The following PRKG1 variants were observed in gnomAD, a reference collection of about 807,000 sequenced individuals.
The protein encoded by PRKG1 is cGMP-dependent protein kinase 1.
In PRKG1, 35 loss-of-function variants were observed where a neutral mutation model predicts 88.1. The observed-to-expected ratio is 0.40, with a 90% CI of 0.30 to 0.53. PRKG1 has a LOEUF of 0.53. Among genes scored for constraint, PRKG1 ranks in the 20% least tolerant of loss-of-function variants. The pLI, the probability that PRKG1 is intolerant of heterozygous loss-of-function variation, is 0.59. For missense variants in PRKG1, 540 were observed against 839.8 expected, an observed-to-expected ratio of 0.64 and a Z score of 4.41; for synonymous variants, 303 against 292.5, an observed-to-expected ratio of 1.04 and a Z score of -0.37.
At chr10:52,081,688 G>A in intron 7 of PRKG1, 1 of 456,614 alleles carries the variant, frequency 2.2e-6, no homozygotes, top group Non-Finnish European at 4.4e-6. Flanking sequence ...GAAGCTAGAA[G>A]ATGACGAGAG....
chr10:51,167,466 A>G (rs1023897540), intron 2 of PRKG1, among the ~76,000 whole-genome samples: 2 of 152,154 alleles, frequency 1.3e-5, no homozygotes, highest in Admixed American at 6.6e-5. Flanking sequence ...TTTCGAGAGC[A>G]TTAGAGGAGT....
At chr10:51,578,289 C>T (rs1025402866) in intron 3 of PRKG1, among the ~76,000 whole-genome samples, 1 of 152,070 alleles carries the variant, frequency 6.6e-6, no homozygotes, top group Non-Finnish European at 1.5e-5. Flanking sequence ...AAATTAATAA[C>T]CTGAATTTTT....
rs1010198790 is a variant in PRKG1 at position 51,553,303 on chromosome 10, G to A, written c.592+85467G>A. ...TTATATTAATTCTTTTGCCGTGACA[G>A]AAAGCAGTGCGATGAATACTTCTGG... On this transcript the variant is annotated intron_variant, in intron 3 of 17. Coordinates refer to ENST00000373980, the MANE Select transcript of PRKG1 (RefSeq NM_006258.4). 3.3e-5 allele frequency among the ~76,000 whole-genome samples: 5 copies of A among 151,770 alleles called. No homozygotes were observed. In the South Asian group the frequency reaches 1.0e-3, roughly 31 times the overall value.
intron 7 of PRKG1, among the ~76,000 whole-genome samples, chr10:52,096,487 C>T (rs929816825): frequency 4.6e-5 from 7 of 152,206 alleles, no homozygotes; most frequent in African/African-American, 1.7e-4. Flanking sequence ...TGTGCAACTT[C>T]CTCTGCTTTG....
At chr10:51,290,778 C>CT (rs999483451) in intron 2 of PRKG1, among the ~76,000 whole-genome samples, 44 of 152,098 alleles carry the variant, frequency 2.9e-4, no homozygotes, top group Non-Finnish European at 1.0e-4. Context: ...ACTTTCTGAT[C>CT]TTTTTGGAGT....
intron 2 of PRKG1, among the ~76,000 whole-genome samples, chr10:51,211,172 G>A (rs571239891): frequency 0.016 from 2,429 of 150,946 alleles, 34 homozygotes; most frequent in Middle Eastern, 0.042. Flanking sequence ...TACGAAAATC[G>A]ATAAACGTAA....
chr10:51,527,655 G>A (rs761162794), intron 3 of PRKG1, among the ~76,000 whole-genome samples: 13 of 152,146 alleles, frequency 8.5e-5, no homozygotes, highest in Admixed American at 1.3e-4. Context: ...GTTATAGAGC[G>A]ATTCAATTTT....
At chr10:50,994,813 G>GAAAAAA (rs35386826) in intron 1 of PRKG1, among the ~76,000 whole-genome samples, 1 of 143,624 alleles carries the variant, frequency 7.0e-6, no homozygotes, top group Non-Finnish European at 1.5e-5. Flanking sequence ...AACTATTCAG[G>GAAAAAA]AAAAAAAAAA....
intron 4 of PRKG1, among the ~76,000 whole-genome samples, chr10:51,838,506 A>G (rs1589338932): frequency 6.6e-6 from 1 of 152,340 alleles, no homozygotes; most frequent in East Asian, 1.9e-4. Context: ...GGACTCAATC[A>G]AATCTCCTGT....
At chr10:51,655,928 T>A (rs1840150098) in intron 3 of PRKG1, among the ~76,000 whole-genome samples, 1 of 152,162 alleles carries the variant, frequency 6.6e-6, no homozygotes, top group Admixed American at 6.6e-5. Flanking sequence ...CCCGTAATTC[T>A]GTTTAAATTT....
chr10:51,979,942 A>G (rs141368089), intron 5 of PRKG1, among the ~76,000 whole-genome samples: 3 of 151,992 alleles, frequency 2.0e-5, no homozygotes, highest in African/African-American at 7.2e-5. Flanking sequence ...TCCTGGATTC[A>G]TTGATCCTTT....
Position 51,837,903 on chromosome 10 carries a change from C to A in PRKG1, c.698+33213C>A, listed in dbSNP as rs535970655. Among the ~76,000 whole-genome samples the A allele has an allele frequency of 5.3e-5, 8 of 152,200 alleles. No homozygotes were observed. The South Asian group carries it at 1.5e-3, about 28-fold the overall frequency. The stretch of plus-strand genomic sequence containing the variant: ...ATTCACCCAACTTTTTGCTTTTCTG[C>A]AAACTTTTAAATATTGGGCTATCAT... On this transcript the variant is annotated intron_variant, in intron 4 of 17. Coordinates refer to ENST00000373980, the MANE Select transcript of PRKG1 (RefSeq NM_006258.4).
intron 8 of PRKG1, among the ~76,000 whole-genome samples, chr10:52,148,117 C>G (rs950159732): frequency 1.9e-4 from 29 of 152,186 alleles, no homozygotes; most frequent in African/African-American, 6.5e-4. Context: ...GGATCAAATT[C>G]TAGATCACTT....
chr10:51,573,066 A>AT (rs1837798203), intron 3 of PRKG1, among the ~76,000 whole-genome samples: 1 of 151,814 alleles, frequency 6.6e-6, no homozygotes, highest in South Asian at 2.1e-4. Flanking sequence ...TTAAACTACA[A>AT]TCTCTAAGAG....
intron 2 of PRKG1, among the ~76,000 whole-genome samples, chr10:51,358,937 G>C (rs1488664145): frequency 2.1e-5 from 3 of 145,078 alleles, no homozygotes; most frequent in African/African-American, 5.0e-5. Flanking sequence ...TATTTATTGG[G>C]GGGGGGGGTG....
intron 2 of PRKG1, among the ~76,000 whole-genome samples, chr10:51,376,690 T>C (rs1842823803): frequency 6.6e-6 from 1 of 152,178 alleles, no homozygotes; most frequent in Non-Finnish European, 1.5e-5. Flanking sequence ...GTTTGTTTGT[T>C]TTTGAGAGAG....
chr10:51,926,513 G>A (rs968220810), intron 5 of PRKG1, among the ~76,000 whole-genome samples: 2 of 152,008 alleles, frequency 1.3e-5, no homozygotes, highest in Admixed American at 6.6e-5. Context: ...CTCAGCTGTC[G>A]CCACTGTTTA....
intron 3 of PRKG1, among the ~76,000 whole-genome samples, chr10:51,546,303 A>G (rs1842443589): frequency 6.6e-6 from 1 of 152,058 alleles, no homozygotes; most frequent in Non-Finnish European, 1.5e-5. Context: ...CTGAGTGACT[A>G]AGTAGTCGTC....
intron 3 of PRKG1, among the ~76,000 whole-genome samples, chr10:51,744,355 C>G (rs1837523432): frequency 6.6e-6 from 1 of 152,168 alleles, no homozygotes; most frequent in South Asian, 2.1e-4. Flanking sequence ...AGTCCCAACT[C>G]TAAGCCCTGT....
Sources: gnomAD v4.1 joint callset for allele counts (sites outside exome capture counted in the v4.1 genomes callset) on GRCh38, gnomAD v4.1.1 for gene constraint, MANE v1.5 for transcripts, NCBI Gene and HGNC (gene_info 2026-07-23, HGNC 2026-07-21) for gene names.